Variants in ASB2 observed in about 807,000 individuals in gnomAD.
The protein encoded by ASB2 is ankyrin repeat and SOCS box containing 2.
Under a neutral mutation model 62.4 loss-of-function variants are expected in ASB2, and 58 were observed. That is an observed-to-expected ratio of 0.93 (90% CI 0.75 to 1.16). The LOEUF (loss-of-function observed/expected upper bound fraction) is 1.16. ASB2 is among the 50% of genes most tolerant of loss of function. The pLI, the probability that ASB2 is intolerant of heterozygous loss-of-function variation, is 0.00. For missense variants in ASB2, 928 were observed against 887.9 expected, an observed-to-expected ratio of 1.05 and a Z score of -0.57; for synonymous variants, 386 against 385.3, an observed-to-expected ratio of 1.00 and a Z score of -0.02.
chr14:93,955,993 G>A (rs1178769631), intron 3 of ASB2, among the ~76,000 whole-genome samples: 1 of 152,202 alleles, frequency 6.6e-6, no homozygotes, highest in Non-Finnish European at 1.5e-5. Flanking sequence ...CAAGGAAGTG[G>A]AGGGCGACAG....
intron 7 of ASB2, among the ~76,000 whole-genome samples, chr14:93,942,903 G>C (rs1287438049): frequency 6.6e-6 from 1 of 152,172 alleles, no homozygotes; most frequent in Non-Finnish European, 1.5e-5. Context: ...CCTTTATTGA[G>C]CTCCAGTGGG....
intron 9 of ASB2, among the ~76,000 whole-genome samples, chr14:93,936,430 C>T (rs775355426): frequency 6.6e-6 from 1 of 152,214 alleles, no homozygotes; most frequent in African/African-American, 2.4e-5. Context: ...AGGACTGATA[C>T]CTAGGCATAG....
chr14:93,936,888 C>T (rs763945625), intron 9 of ASB2, among the ~76,000 whole-genome samples: 3 of 152,224 alleles, frequency 2.0e-5, no homozygotes, highest in Non-Finnish European at 4.4e-5. Flanking sequence ...ATACCCATTT[C>T]TGTCACCTGT....
At chr14:93,972,046 T>C (rs889028312) in intron 1 of ASB2, among the ~76,000 whole-genome samples, 2 of 148,014 alleles carry the variant, frequency 1.4e-5, no homozygotes, top group African/African-American at 4.9e-5. Context: ...AATAATATAA[T>C]ATATATTATA....
intron 1 of ASB2, among the ~76,000 whole-genome samples, chr14:93,969,089 T>C (rs1261784801): frequency 2.0e-5 from 3 of 152,190 alleles, no homozygotes; most frequent in Non-Finnish European, 2.9e-5. Flanking sequence ...AAAATGGAGA[T>C]ATTAGCCAGT....
At chr14:93,961,723 G>A (rs141086826) in intron 2 of ASB2, among the ~76,000 whole-genome samples, 8 of 152,350 alleles carry the variant, frequency 5.3e-5, no homozygotes, top group Middle Eastern at 3.4e-3. Context: ...AACAAGGACT[G>A]TCTCGGGTCC....
rs529873300 is a variant in ASB2 at position 93,934,572 on chromosome 14, G to A, written c.*84C>T. 2.1e-5 allele frequency: 30 copies of A among 1,432,604 alleles called. No homozygotes were observed. In the South Asian group the frequency reaches 3.2e-4, roughly 15 times the overall value. 88.7% of individuals were successfully genotyped at this position (1,432,604 alleles called of 1,614,324 possible). ...AGCCTGCAGCCTCGTCTGTCACCAG[G>A]TCCCCTTGGAGTTGGGAACACCGAC... On this transcript the variant is annotated 3_prime_UTR_variant, in exon 10 of 10. Transcript: ENST00000555019.
intron 2 of ASB2, among the ~76,000 whole-genome samples, chr14:93,958,551 G>A (rs1889306312): frequency 6.6e-6 from 1 of 152,228 alleles, no homozygotes; most frequent in African/African-American, 2.4e-5. Context: ...GCAAAATGGA[G>A]AAGTGGGACC....
intron 7 of ASB2, 36 bp downstream of exon 7, chr14:93,947,313 G>T: frequency 6.2e-7 from 1 of 1,610,748 alleles, no homozygotes; most frequent in Non-Finnish European, 8.5e-7. Flanking sequence ...TGGGCCTCGG[G>T]AGAGCTGCCT....
chr14:93,952,896 T>G (rs1889023211), intron 5 of ASB2, among the ~76,000 whole-genome samples: 1 of 152,238 alleles, frequency 6.6e-6, no homozygotes, highest in Non-Finnish European at 1.5e-5. Context: ...AGGCCTTGTT[T>G]TTCTTAAACA....
At chr14:93,937,128 C>G (rs1274578608) in intron 9 of ASB2, among the ~76,000 whole-genome samples, 1 of 152,212 alleles carries the variant, frequency 6.6e-6, no homozygotes, top group African/African-American at 2.4e-5. Flanking sequence ...CCCAGCAAGG[C>G]CCTGGCAAGG....
intron 3 of ASB2, 145 bp downstream of exon 3, chr14:93,956,621 C>G (rs909151665): frequency 9.2e-7 from 1 of 1,091,662 alleles, no homozygotes; most frequent in African/African-American, 1.6e-5. Context: ...CCCAGGGGGG[C>G]ACCCCTAGAA....
chr14:93,953,955 A>C (rs1311730192), intron 4 of ASB2, among the ~76,000 whole-genome samples: 1 of 152,196 alleles, frequency 6.6e-6, no homozygotes, highest in Admixed American at 6.5e-5. Context: ...CCGCGGTCCC[A>C]CAGCAGGTGG....
intron 1 of ASB2, among the ~76,000 whole-genome samples, chr14:93,968,497 A>G (rs886686662): frequency 4.6e-5 from 7 of 152,222 alleles, no homozygotes; most frequent in African/African-American, 1.4e-4. Flanking sequence ...CTCAAATCCA[A>G]TGCTCTTTCT....
rs1889107479 is a variant in ASB2, at chr14:93,954,608, C to G, written c.312-125G>C. On this transcript the variant is annotated intron_variant, in intron 3 of 9. Transcript: ENST00000555019. The stretch of plus-strand genomic sequence containing the variant: ...GTCCCTGCTGGTTCCAGGATGAGCA[C>G]TCAGCCCCCTGCAGCCCAGTGGCTG... The G allele has an allele frequency of 3.7e-6, 3 of 815,854 alleles. No homozygotes were observed. In the Admixed American group the frequency reaches 7.5e-5, roughly 20 times the overall value. 50.5% of individuals were successfully genotyped at this position (815,854 alleles called of 1,614,324 possible). A position where few individuals can be genotyped will look rare whatever the true frequency, so the allele number is the denominator to read the frequency against.
chr14:93,965,044 A>G (rs1009951414), intron 1 of ASB2, among the ~76,000 whole-genome samples: 3 of 152,004 alleles, frequency 2.0e-5, no homozygotes, highest in African/African-American at 7.3e-5. Flanking sequence ...TCATCTTTCT[A>G]TCCGTCCAAC....
chr14:93,972,194 T>A (rs1400394969), intron 1 of ASB2, among the ~76,000 whole-genome samples: 1 of 150,644 alleles, frequency 6.6e-6, no homozygotes, highest in Non-Finnish European at 1.5e-5. Context: ...ACACGAGGAG[T>A]CAGGAACTGG....
chr14:93,943,942 T>C (rs1214292723), intron 7 of ASB2: 2 of 455,960 alleles, frequency 4.4e-6, no homozygotes, highest in Non-Finnish European at 8.8e-6. Flanking sequence ...AAGTGTTATA[T>C]GTTGGAACTA....
At chr14:93,975,195 C>T (rs541435762) in intron 1 of ASB2, among the ~76,000 whole-genome samples, 8 of 152,386 alleles carry the variant, frequency 5.2e-5, no homozygotes, top group African/African-American at 1.4e-4. Flanking sequence ...CTCAAGCCCT[C>T]GCCTCACGAA....
Sources: gnomAD v4.1 joint callset for allele counts (sites outside exome capture counted in the v4.1 genomes callset) on GRCh38, gnomAD v4.1.1 for gene constraint, MANE v1.5 for transcripts, NCBI Gene and HGNC (gene_info 2026-07-23, HGNC 2026-07-21) for gene names.